SYNPR: variants seen among roughly 807,000 people sequenced by gnomAD.
SYNPR encodes synaptoporin.
A neutral mutation model predicts 32.9 loss-of-function variants in SYNPR; 23 were observed. The observed-to-expected ratio is 0.70, with a 90% CI of 0.50 to 0.99. The LOEUF (loss-of-function observed/expected upper bound fraction) is 0.99. Among genes scored for constraint, SYNPR ranks in the 50% least tolerant of loss-of-function variants. The pLI, the probability that SYNPR is intolerant of heterozygous loss-of-function variation, is 0.00. For missense variants in SYNPR, 318 were observed against 349.3 expected, an observed-to-expected ratio of 0.91 and a Z score of 0.71; for synonymous variants, 146 against 135.9, an observed-to-expected ratio of 1.07 and a Z score of -0.52.
At chr3:63,443,391 G>C in intron 2 of SYNPR, 1 of 1,584,662 alleles carries the variant, frequency 6.3e-7, no homozygotes, top group Non-Finnish European at 8.6e-7. Flanking sequence ...TTTAGTATGA[G>C]ACAACCTCTA....
intron 2 of SYNPR, among the ~76,000 whole-genome samples, chr3:63,265,838 C>A (rs1012251293): frequency 9.2e-5 from 14 of 152,002 alleles, no homozygotes; most frequent in Non-Finnish European, 1.6e-4. Context: ...TTCAATAAAC[C>A]ATTATTGAAT....
chr3:63,273,479 A>G (rs1315137936), upstream of SYNPR, among the ~76,000 whole-genome samples: 10 of 152,186 alleles, frequency 6.6e-5, no homozygotes, highest in Admixed American at 5.9e-4. Context: ...TTAATGTATT[A>G]TTAGAGCCCT....
intron 2 of SYNPR, among the ~76,000 whole-genome samples, chr3:63,361,335 C>G: frequency 6.6e-6 from 1 of 152,028 alleles, no homozygotes; most frequent in Middle Eastern, 3.4e-3. Context: ...CGCCTGTAAT[C>G]CCAGCACTTT....
At chr3:63,601,913 TTTCC>T (rs1481634036) in intron 4 of SYNPR, among the ~76,000 whole-genome samples, 1 of 152,228 alleles carries the variant, frequency 6.6e-6, no homozygotes, top group Non-Finnish European at 1.5e-5. Context: ...ACCACACTGC[TTTCC>T]ACAATGGTTG....
intron 2 of SYNPR, among the ~76,000 whole-genome samples, chr3:63,264,604 C>G (rs116462550): frequency 0.013 from 1,912 of 152,208 alleles, 43 homozygotes; most frequent in African/African-American, 0.043. Context: ...TTTTTGTTTT[C>G]CGTGAAGTAA....
At chr3:63,265,173 C>A (rs1237240460) in intron 2 of SYNPR, among the ~76,000 whole-genome samples, 2 of 149,122 alleles carry the variant, frequency 1.3e-5, no homozygotes, top group Admixed American at 1.3e-4. Flanking sequence ...TCTTTCAAAA[C>A]TATAGAAATA....
intron 2 of SYNPR, among the ~76,000 whole-genome samples, chr3:63,465,172 G>A (rs1426972577): frequency 6.6e-6 from 1 of 152,106 alleles, no homozygotes; most frequent in Non-Finnish European, 1.5e-5. Context: ...GGAATATAAA[G>A]CCCTTTAGGC....
chr3:63,230,156 T>C (rs1454171018), intron 1 of SYNPR, among the ~76,000 whole-genome samples: 1 of 152,176 alleles, frequency 6.6e-6, no homozygotes, highest in East Asian at 1.9e-4. Flanking sequence ...AAGTTGGAGC[T>C]TTAAACTGTT....
chr3:63,332,001 T>C (rs1199213418), intron 2 of SYNPR, among the ~76,000 whole-genome samples: 1 of 152,204 alleles, frequency 6.6e-6, no homozygotes, highest in African/African-American at 2.4e-5. Context: ...CAAAGTTGTC[T>C]TCGACTGGTA....
intron 2 of SYNPR, among the ~76,000 whole-genome samples, chr3:63,397,062 C>G (rs1205714290): frequency 1.3e-5 from 2 of 149,564 alleles, no homozygotes; most frequent in African/African-American, 2.5e-5. Flanking sequence ...CAAGATAGCG[C>G]CACTGCACTC....
intron 4 of SYNPR, among the ~76,000 whole-genome samples, chr3:63,563,730 A>G (rs928229369): frequency 6.6e-6 from 1 of 152,128 alleles, no homozygotes; most frequent in African/African-American, 2.4e-5. Flanking sequence ...GAGGAACATT[A>G]TTGAATCATT....
At chr3:63,390,923 C>A (rs929758483) in intron 2 of SYNPR, among the ~76,000 whole-genome samples, 1 of 152,228 alleles carries the variant, frequency 6.6e-6, no homozygotes, top group African/African-American at 2.4e-5. Context: ...GACCATCAGC[C>A]CCATGCAGCT....
intron 4 of SYNPR, among the ~76,000 whole-genome samples, chr3:63,579,788 AACACACACAC>A (rs59802344): frequency 4.2e-4 from 61 of 146,180 alleles, no homozygotes; most frequent in African/African-American, 1.3e-3. Flanking sequence ...ATTTAACTAA[AACACACACAC>A]ACACACACAC....
intron 2 of SYNPR, among the ~76,000 whole-genome samples, chr3:63,466,742 G>C (rs201478464): frequency 7.5e-6 from 1 of 134,002 alleles, no homozygotes; most frequent in East Asian, 2.6e-4. Context: ...AGCCTGTGGA[G>C]AGGGACAGAG....
At chr3:63,531,057 G>A (rs1702104230) in intron 3 of SYNPR, among the ~76,000 whole-genome samples, 1 of 152,096 alleles carries the variant, frequency 6.6e-6, no homozygotes, top group South Asian at 2.1e-4. Flanking sequence ...GGAAATTAAG[G>A]AGATGCTGAA....
At chr3:63,551,282 A>G (rs189406858) in intron 3 of SYNPR, among the ~76,000 whole-genome samples, 80 of 152,334 alleles carry the variant, frequency 5.3e-4, no homozygotes, top group Non-Finnish European at 8.7e-4. Flanking sequence ...ATTCTTTTGT[A>G]TGAATAAACT....
intron 4 of SYNPR, among the ~76,000 whole-genome samples, chr3:63,573,744 C>T (rs145107235): frequency 6.6e-6 from 1 of 152,258 alleles, no homozygotes; most frequent in African/African-American, 2.4e-5. Context: ...TGTTCTATGT[C>T]AACCTGGTTC....
chr3:63,419,623 T>TA (rs775787714), intron 2 of SYNPR, among the ~76,000 whole-genome samples: 7 of 152,152 alleles, frequency 4.6e-5, no homozygotes, highest in Non-Finnish European at 8.8e-5. Flanking sequence ...CTTGAAAAAC[T>TA]AAAAAATCTA....
chr3:63,510,664 T>TA (rs1701679112), intron 3 of SYNPR, among the ~76,000 whole-genome samples: 2 of 152,300 alleles, frequency 1.3e-5, no homozygotes, highest in African/African-American at 2.4e-5. Context: ...TTTAACATAT[T>TA]AAAAAATTGA....
Sources: gnomAD v4.1 joint callset for allele counts (sites outside exome capture counted in the v4.1 genomes callset) on GRCh38, gnomAD v4.1.1 for gene constraint, MANE v1.5 for transcripts, NCBI Gene and HGNC (gene_info 2026-07-23, HGNC 2026-07-21) for gene names.